SLIT1: variants seen among roughly 807,000 people sequenced by gnomAD.
SLIT1 encodes slit guidance ligand 1, also known as slit homolog 1 protein.
SLIT1 carries 66 observed loss-of-function variants against 186.1 expected under a neutral mutation model. The observed-to-expected ratio is 0.35, with a 90% CI of 0.29 to 0.44. SLIT1 has a LOEUF of 0.44. Ranked by LOEUF, SLIT1 falls within the 20% of genes least tolerant of loss-of-function variation. SLIT1 has a pLI of 1.00. For synonymous variants in SLIT1, 761 were observed against 833.8 expected (o/e 0.91, Z 1.50); for missense variants, 1,638 against 2,037.4 (o/e 0.80, Z 3.77).
At chr10:97,078,973 G>A (rs969238796) in intron 4 of SLIT1, among the ~76,000 whole-genome samples, 2 of 152,212 alleles carry the variant, frequency 1.3e-5, no homozygotes, top group Admixed American at 6.5e-5. Flanking sequence ...ACACAATGGT[G>A]GGGGCAGGGG....
rs1427040996 is a variant in SLIT1, at chr10:97,184,018, C to CACCA, written c.197+1459_197+1460insTGGT. 3.4e-4 allele frequency among the ~76,000 whole-genome samples: 49 copies of CACCA among 142,476 alleles called. 1 individual carries two copies. Among genetic ancestry groups the CACCA allele is most frequent in the Non-Finnish European group, 7.0e-4 (46 of 65,686 alleles). The allele number at this position is 142,476 out of a possible 152,430, so 93.5% of individuals were successfully genotyped here. ...ATTCACACACACACATACACATGCA[C>CACCA]CACACACACACACACACACACACAC... On this transcript the variant is annotated intron_variant, in intron 1 of 36. Transcript: ENST00000266058. The surrounding 1 kb of genome is among the most constrained non-coding windows in gnomAD (Gnocchi z 4.4).
At chr10:97,084,752 A>C (rs1227938851) in intron 4 of SLIT1, among the ~76,000 whole-genome samples, 2 of 146,790 alleles carry the variant, frequency 1.4e-5, no homozygotes, top group African/African-American at 2.5e-5. Context: ...ATTGCAGGCG[A>C]GTGCCACCAC....
At chr10:97,019,830 G>A (rs1349037102) in intron 26 of SLIT1, among the ~76,000 whole-genome samples, 1 of 152,126 alleles carries the variant, frequency 6.6e-6, no homozygotes, top group African/African-American at 2.4e-5. Context: ...CCCAGAAGAT[G>A]CCTTCTAGAA....
chr10:97,159,086 G>T (rs1278358518), intron 3 of SLIT1, among the ~76,000 whole-genome samples: 1 of 152,144 alleles, frequency 6.6e-6, no homozygotes, highest in East Asian at 1.9e-4. Context: ...TGTCTGAGGG[G>T]TCTTAGAACA....
chr10:97,054,387 C>G lies in SLIT1; in HGVS notation c.1301+1934G>C, dbSNP rs372776458. On this transcript the variant is annotated intron_variant, in intron 13 of 36. Coordinates refer to ENST00000266058, the MANE Select transcript of SLIT1 (RefSeq NM_003061.3). ...AGATGTTGGTGCCGTATGTGTACAC[C>G]CCATGGAACTGTCAGCCAAGTAAAC... is the stretch of plus-strand genomic sequence containing the variant. Among the ~76,000 whole-genome samples the G allele has an allele frequency of 3.9e-5, 6 of 151,962 alleles. No homozygotes were observed. In the East Asian group the frequency reaches 1.2e-3, roughly 30 times the overall value.
intron 25 of SLIT1, among the ~76,000 whole-genome samples, chr10:97,029,413 C>T (rs1658605370): frequency 6.6e-6 from 1 of 152,190 alleles, no homozygotes; most frequent in Non-Finnish European, 1.5e-5. Flanking sequence ...CCTTTTAGGG[C>T]TTGAGGATGG....
intron 4 of SLIT1, among the ~76,000 whole-genome samples, chr10:97,136,604 A>T (rs529824895): frequency 1.3e-5 from 2 of 152,322 alleles, no homozygotes; most frequent in Admixed American, 6.5e-5. Context: ...GAAAATAAAA[A>T]ACAAACCATC....
chr10:97,046,896 C>T (rs539752452), intron 17 of SLIT1, 95 bp downstream of exon 17: 1 of 1,570,716 alleles, frequency 6.4e-7, no homozygotes, highest in Non-Finnish European at 8.7e-7. Context: ...AGAGTCCTGG[C>T]CCCCCGCCGT....
chr10:97,051,683 G>T (rs1283737181), intron 13 of SLIT1, among the ~76,000 whole-genome samples: 1 of 152,000 alleles, frequency 6.6e-6, no homozygotes, highest in Middle Eastern at 3.2e-3. Flanking sequence ...CATGGTGGTG[G>T]GCACCTGTAA....
At chr10:97,046,033 T>G (rs1848730564) in intron 18 of SLIT1, among the ~76,000 whole-genome samples, 2 of 152,238 alleles carry the variant, frequency 1.3e-5, no homozygotes, top group African/African-American at 4.8e-5. Flanking sequence ...CAGCGTAGAC[T>G]TGAAACATTT....
At chr10:97,041,200 G>A (rs1205977158) in intron 20 of SLIT1, among the ~76,000 whole-genome samples, 1 of 152,212 alleles carries the variant, frequency 6.6e-6, no homozygotes, top group African/African-American at 2.4e-5. Context: ...GAGCATCTAC[G>A]AGGGTGCTCC....
At chr10:97,019,184 A>G (rs57812299) in intron 26 of SLIT1, 77 bp from the exon 27 acceptor site, 56,556 of 931,448 alleles carry the variant, frequency 0.061, 3,123 homozygotes, top group African/African-American at 0.24. Context: ...CTCAACCCCG[A>G]GGAGCCCATG....
At position 97,157,836 on chromosome 10, in the gene SLIT1, T is replaced by C; in HGVS notation, c.395A>G (p.Asn132Ser). ...HMLPELLFQN[N>S]QALSRLDLSE... ...CACTCACAGTCTTGACAAAGCCTGG[T>C]TGTTCTGGAACAGCAGTTCCGGTAA... Residue 132 changes from asparagine (N) to serine (S), a missense_variant, in exon 4 of 37, where the codon AAC (asparagine) becomes AGC (serine). By Grantham distance (46) the Asn-to-Ser change is conservative. This residue lies in a region of SLIT1 where 1,245 missense variants were observed against 1,535.3 expected (regional missense o/e 0.81). Coordinates refer to ENST00000266058, the MANE Select transcript of SLIT1 (RefSeq NM_003061.3). The C allele has an allele frequency of 1.2e-6, 2 of 1,613,928 alleles. No individual in the cohort carries two copies. Among genetic ancestry groups the C allele is most frequent in the Non-Finnish European group, 1.7e-6 (2 of 1,179,734 alleles).
intron 1 of SLIT1, among the ~76,000 whole-genome samples, chr10:97,171,167 C>T (rs1032723904): frequency 6.6e-6 from 1 of 152,212 alleles, no homozygotes. Context: ...GCCAAGGCTG[C>T]GGCGCTGAGA....
chr10:97,116,783 T>C (rs1235028168), intron 4 of SLIT1, among the ~76,000 whole-genome samples: 4 of 152,162 alleles, frequency 2.6e-5, no homozygotes, highest in Admixed American at 6.5e-5. Context: ...CTGGGCTTCC[T>C]CTGTAGGAGT....
At chr10:97,147,737 C>A (rs1849834141) in intron 4 of SLIT1, among the ~76,000 whole-genome samples, 1 of 152,210 alleles carries the variant, frequency 6.6e-6, no homozygotes. Flanking sequence ...TATTACCCAT[C>A]CAAACTCTTC....
At chr10:97,034,793 G>A (rs1052972078) in intron 22 of SLIT1, among the ~76,000 whole-genome samples, 1 of 151,936 alleles carries the variant, frequency 6.6e-6, no homozygotes, top group Non-Finnish European at 1.5e-5. Context: ...CCATCCCTCT[G>A]CAAGCAGAGC....
chr10:97,003,011 C>T lies in SLIT1; in HGVS notation c.3866-19G>A. 6.2e-7 allele frequency: 1 copy of T among 1,603,206 alleles called. No homozygotes were observed. Among genetic ancestry groups the T allele is most frequent in the Non-Finnish European group, 8.5e-7 (1 of 1,172,682 alleles). ...GGCATCCCTGGGGTAGGGGAGGGAG[C>T]AGAGCTGGGCTGAGTAAAGCTCGGG... On this transcript the variant is annotated intron_variant, in intron 34 of 36. Coordinates refer to ENST00000266058, the MANE Select transcript of SLIT1 (RefSeq NM_003061.3).
intron 4 of SLIT1, among the ~76,000 whole-genome samples, chr10:97,150,154 G>C (rs1026411071): frequency 1.3e-5 from 2 of 152,144 alleles, no homozygotes; most frequent in African/African-American, 4.8e-5. Context: ...TGGCTGGGGA[G>C]GGGCGGCTGG....
Sources: allele counts gnomAD v4.1 joint callset (sites outside exome capture counted in the v4.1 genomes callset), GRCh38; gene constraint gnomAD v4.1.1; regional missense constraint gnomAD v4.1.1; non-coding constraint Gnocchi (gnomAD v3.1); transcripts MANE v1.5; gene names NCBI Gene and HGNC (gene_info 2026-07-23, HGNC 2026-07-21).